RBL2: variants seen among roughly 807,000 people sequenced by gnomAD.
RBL2 encodes the protein RB transcriptional corepressor like 2.
In RBL2, 56 loss-of-function variants were observed where a neutral mutation model predicts 126.0. The ratio of observed to expected loss-of-function variants is 0.44; its 90% CI spans 0.36 to 0.56. RBL2 has a LOEUF of 0.56. Ranked by LOEUF, RBL2 falls within the 20% of genes least tolerant of loss-of-function variation. The probability of loss-of-function intolerance (pLI) is 0.00; values close to 1 mark genes in which losing one functional copy is unlikely to be tolerated. For synonymous variants in RBL2, 454 were observed against 478.5 expected (o/e 0.95, Z 0.67); for missense variants, 1,229 against 1,398.2 (o/e 0.88, Z 1.93).
rs769889227 is a variant in RBL2 at position 53,454,782 on chromosome 16, A to G, written c.1119A>G (p.Ser373=). 42 of 1,613,954 alleles carry G rather than the reference A, an allele frequency of 2.6e-5. 1 individual carries two copies. The highest frequency in any genetic ancestry group is 7.6e-6 in the Non-Finnish European group (9 of 1,179,968). ...TCTCAAGGTGTCTGAACGCTGGTTC[A>G]GGAACAGAGACTGCTGAAAGGGTGC... The part of the protein sequence containing the change: ...GTLSRCLNAG[S]GTETAERVQM... The change falls in exon 8 of 22, where the codon TCA becomes TCG. Residue 373 remains serine, a synonymous_variant. Coordinates refer to ENST00000262133, the MANE Select transcript of RBL2 (RefSeq NM_005611.4).
chr16:53,474,809 G>A (rs1960665706), intron 17 of RBL2, among the ~76,000 whole-genome samples: 3 of 152,104 alleles, frequency 2.0e-5, no homozygotes, highest in African/African-American at 7.2e-5. Context: ...TATTATCAGG[G>A]TAATAATGGT....
In RBL2 at chr16:53,480,691, G is replaced by A; in HGVS notation, c.3006G>A (p.Arg1002=). The change falls in exon 20 of 22, where the codon AGG becomes AGA. Residue 1002 remains arginine (R), a synonymous_variant. Transcript: ENST00000262133. ...ACAGTGACATGGAAGAAGAGGAGAGGGGAGACCTCATTCAGTTCTACAACA... is the reference window on the plus strand; with the variant it reads ...ACAGTGACATGGAAGAAGAGGAGAGAGGAGACCTCATTCAGTTCTACAACA... ...GANSDMEEEE[R]GDLIQFYNNI... 6.2e-7 allele frequency: 1 copy of A among 1,613,756 alleles called. No homozygotes were observed. Among genetic ancestry groups the A allele is most frequent in the South Asian group, 1.1e-5 (1 of 91,078 alleles).
Position 53,470,502 on chromosome 16 carries a change from C to G in RBL2, c.2365C>G (p.Leu789Val). ...PLSAQALAGS[L>V]SSQQVTGTTL... ...CAGTGCTCAGGCCCTGGCTGGAAGTCTGAGCTCTCAACAGGTGACAGGAAC... is the reference window on the plus strand; with the variant it reads ...CAGTGCTCAGGCCCTGGCTGGAAGTGTGAGCTCTCAACAGGTGACAGGAAC... Residue 789 changes from leucine (L) to valine (V), a missense_variant, in exon 16 of 22, where the codon CTG becomes GTG. By Grantham distance (32) the Leu-to-Val change is conservative. Transcript: ENST00000262133. 1 of 1,614,126 alleles carries G rather than the reference C, an allele frequency of 6.2e-7. No homozygotes were observed. The highest frequency in any genetic ancestry group is 2.2e-5 in the East Asian group (1 of 44,868).
intron 2 of RBL2, among the ~76,000 whole-genome samples, 161 bp downstream of exon 2, chr16:53,439,307 A>G (rs901855670): frequency 6.6e-6 from 1 of 152,184 alleles, no homozygotes; most frequent in East Asian, 1.9e-4. Flanking sequence ...TCCTTTCTTT[A>G]TATCACAGTT....
chr16:53,448,317 C>G (rs1005422468), intron 4 of RBL2, among the ~76,000 whole-genome samples: 3 of 151,726 alleles, frequency 2.0e-5, no homozygotes, highest in Admixed American at 6.6e-5. Flanking sequence ...CCACTGTGCC[C>G]GGCTAATTTT....
chr16:53,449,081 A>G (rs1256331588), intron 4 of RBL2: 1 of 152,218 alleles, frequency 6.6e-6, no homozygotes, highest in Non-Finnish European at 1.5e-5. Context: ...GATAAAGGCG[A>G]CATGATCAGT....
chr16:53,479,827 C>A, intron 18 of RBL2, 59 bp from the exon 19 acceptor site: 2 of 1,180,206 alleles, frequency 1.7e-6, no homozygotes, highest in Non-Finnish European at 1.2e-6. Flanking sequence ...AAGGTCCTAT[C>A]ACCAAGGGTG....
chr16:53,487,315 T>G (rs372322980), intron 21 of RBL2, among the ~76,000 whole-genome samples: 38 of 152,286 alleles, frequency 2.5e-4, no homozygotes, highest in African/African-American at 7.9e-4. Flanking sequence ...ACCACAGTAA[T>G]CAAGACAGTA....
In RBL2 at chr16:53,486,941, T is replaced by C. The variant is rs1052516968; in HGVS notation, c.3250-3189T>C. Among the ~76,000 whole-genome samples, 9 of 152,124 alleles carry C rather than the reference T, an allele frequency of 5.9e-5. No homozygotes were observed. The South Asian group carries it at 1.0e-3, about 17-fold the overall frequency. On this transcript the variant is annotated intron_variant, in intron 21 of 21. Transcript: ENST00000262133. ...GAACAATCAGAAGTAAAATAAAAAA[T>C]TGAATACCATAACATTTTAAAATTA...
chr16:53,447,035 C>G lies in RBL2; in HGVS notation c.573-7C>G. The G allele has an allele frequency of 4.0e-6, 6 of 1,499,352 alleles. No individual in the cohort carries two copies. The highest frequency in any genetic ancestry group is 5.3e-6 in the Non-Finnish European group (6 of 1,127,824). 92.9% of individuals were successfully genotyped at this position (1,499,352 alleles called of 1,614,324 possible). A position where few individuals can be genotyped will look rare whatever the true frequency, so the allele number is the denominator to read the frequency against. ...GTCTCATGACTTTTTTTTTTCTTCC[C>G]CCAAAGGCGACAGCCCTGTACTGTG... On this transcript the variant is annotated splice_polypyrimidine_tract_variant and splice_region_variant and intron_variant, in intron 3 of 21. Coordinates refer to ENST00000262133, the MANE Select transcript of RBL2 (RefSeq NM_005611.4).
chr16:53,483,007 T>A (rs1401529105), intron 21 of RBL2, among the ~76,000 whole-genome samples: 6 of 152,120 alleles, frequency 3.9e-5, no homozygotes, highest in Non-Finnish European at 7.3e-5. Context: ...TTGAGGAAAA[T>A]TTGAATGTGG....
At chr16:53,444,882 T>C (rs2058047796) in intron 3 of RBL2, among the ~76,000 whole-genome samples, 1 of 152,134 alleles carries the variant, frequency 6.6e-6, no homozygotes, top group African/African-American at 2.4e-5. Context: ...TATTCTAAAG[T>C]TTGAATAGAA....
rs529792686 is a variant in RBL2 at position 53,481,945 on chromosome 16, G to A, written c.3249+110G>A. 11 of 1,300,734 alleles carry A rather than the reference G, an allele frequency of 8.5e-6. No individual in the cohort carries two copies. The African/African-American group carries it at 1.6e-4, about 19-fold the overall frequency. 80.6% of individuals were successfully genotyped at this position (1,300,734 alleles called of 1,614,324 possible). On this transcript the variant is annotated intron_variant, in intron 21 of 21. Transcript: ENST00000262133. ...CATTAGAGTGATGAGAGCTGCCAGG[G>A]AGCAGTGATCAGTCAGTCCTCATGA...
At chr16:53,462,743 AT>A in intron 11 of RBL2, 88 bp downstream of exon 11, 1 of 804,200 alleles carries the variant, frequency 1.2e-6, no homozygotes, top group Non-Finnish European at 2.0e-6. Context: ...TTTACTTTAT[AT>A]ATAGTCTCCT....
In RBL2 at chr16:53,443,760, T is replaced by TA. The variant is rs2153138813; in HGVS notation, c.572+906dup. On this transcript the variant is annotated intron_variant, in intron 3 of 21. Coordinates refer to ENST00000262133, the MANE Select transcript of RBL2 (RefSeq NM_005611.4). ...AATAATGTTTGCTTCTCTTTAAATA[T>TA]AAAAGTTTTCCCAGACTGTGAAGGA... Among the ~76,000 whole-genome samples the TA allele has an allele frequency of 1.3e-5, 2 of 152,298 alleles. 1 individual carries two copies. The highest frequency in any genetic ancestry group is 4.1e-4 in the South Asian group (2 of 4,828).
chr16:53,466,335 C>T (rs1399352226), intron 13 of RBL2, among the ~76,000 whole-genome samples: 1 of 152,064 alleles, frequency 6.6e-6, no homozygotes, highest in Non-Finnish European at 1.5e-5. Context: ...GACAATTTTT[C>T]CATGGACAGG....
chr16:53,436,274 A>T (rs1170608479), intron 1 of RBL2, among the ~76,000 whole-genome samples: 4 of 152,146 alleles, frequency 2.6e-5, no homozygotes, highest in African/African-American at 9.7e-5. Flanking sequence ...CATTATCGCC[A>T]TTTATTTGAG....
intron 20 of RBL2, chr16:53,481,330 C>T (rs1960937815): frequency 4.5e-6 from 1 of 222,416 alleles, no homozygotes; most frequent in Non-Finnish European, 8.8e-6. Flanking sequence ...TCAAATTTTC[C>T]AGTACTTAAC....
At chr16:53,467,452 A>G (rs1465607445) in intron 14 of RBL2, among the ~76,000 whole-genome samples, 3 of 152,198 alleles carry the variant, frequency 2.0e-5, no homozygotes, top group Admixed American at 6.5e-5. Flanking sequence ...CAGTGGCCCA[A>G]TCTCAGCTCA....
Sources: gnomAD v4.1 joint callset for allele counts (sites outside exome capture counted in the v4.1 genomes callset) on GRCh38, gnomAD v4.1.1 for gene constraint, MANE v1.5 for transcripts, NCBI Gene and HGNC (gene_info 2026-07-23, HGNC 2026-07-21) for gene names.